The following ZNF33A variants were observed in gnomAD, a reference collection of about 807,000 sequenced individuals.
ZNF33A encodes brain my041 protein.
In ZNF33A, 9 loss-of-function variants were observed where a neutral mutation model predicts 15.9. The observed-to-expected ratio is 0.57, with a 90% CI of 0.34 to 0.99. The LOEUF is 0.99. Ranked by LOEUF, ZNF33A falls within the 50% of genes least tolerant of loss-of-function variation. The probability of loss-of-function intolerance (pLI) is 0.02; values close to 1 mark genes in which losing one functional copy is unlikely to be tolerated. For missense variants in ZNF33A, 843 were observed against 941.6 expected (o/e 0.90, Z 1.37); for synonymous variants, 294 against 324.2 (o/e 0.91, Z 1.00).
downstream of ZNF33A, among the ~76,000 whole-genome samples, chr10:38,063,778 G>A (rs1781503079): frequency 1.3e-5 from 2 of 152,196 alleles, no homozygotes; most frequent in Admixed American, 1.3e-4. Flanking sequence ...CTCACCCTGT[G>A]AACTCACCAA....
At position 38,057,857 on chromosome 10, in the gene ZNF33A, G is replaced by A. The variant is rs1696358504; in HGVS notation, c.*1297G>A. On this transcript the variant is annotated 3_prime_UTR_variant, in exon 5 of 5. Transcript: ENST00000432900. ...CACATACAGCCCAGGGCTGCCCAGG[G>A]CTGTTGGACTGTCATTTCAAGGCTC... 7 of 985,296 alleles carry A rather than the reference G, an allele frequency of 7.1e-6. No individual in the cohort carries two copies. The Admixed American group carries it at 4.3e-4, about 61-fold the overall frequency. The allele number at this position is 985,296 out of a possible 1,614,324, so 61.0% of individuals were successfully genotyped here. A position where few individuals can be genotyped will look rare whatever the true frequency, so the allele number is the denominator to read the frequency against.
At chr10:38,047,836 C>A (rs1208836705) in intron 4 of ZNF33A, among the ~76,000 whole-genome samples, 1 of 151,910 alleles carries the variant, frequency 6.6e-6, no homozygotes, top group African/African-American at 2.4e-5. Flanking sequence ...ACCCTGAGCA[C>A]AAGAGGCATG....
downstream of ZNF33A, among the ~76,000 whole-genome samples, chr10:38,066,224 T>C (rs2066708575): frequency 6.6e-6 from 1 of 152,150 alleles, no homozygotes; most frequent in Non-Finnish European, 1.5e-5. Context: ...GGTGTGATTG[T>C]GATCTTTCCA....
chr10:38,054,594 T>C lies in ZNF33A; in HGVS notation c.470T>C (p.Ile157Thr), dbSNP rs1321903317. Reference protein sequence around the residue: ...MSFNTVSELVISKINYLGKKS... With the variant: ...MSFNTVSELVTSKINYLGKKS... The stretch of plus-strand genomic sequence containing the variant: ...TTCAACACTGTTTCAGAATTGGTTA[T>C]CAGTAAGATAAACTATTTAGGAAAA... The change falls in exon 5 of 5, where the codon ATC (isoleucine) becomes ACC (threonine). Residue 157 changes from isoleucine (I) to threonine (T), a missense_variant. Coordinates refer to ENST00000432900, the MANE Select transcript of ZNF33A (RefSeq NM_006954.2). The C allele has an allele frequency of 6.2e-7, 1 of 1,611,468 alleles. No individual in the cohort carries two copies. Among genetic ancestry groups the C allele is most frequent in the Non-Finnish European group, 8.5e-7 (1 of 1,179,168 alleles).
downstream of ZNF33A, among the ~76,000 whole-genome samples, chr10:38,066,155 G>A (rs1350445274): frequency 1.3e-5 from 2 of 152,104 alleles, no homozygotes; most frequent in Non-Finnish European, 2.9e-5. Context: ...CTGACCATAG[G>A]CTTTTCTTCG....
chr10:38,029,953 C>T (rs2065141979), intron 4 of ZNF33A, among the ~76,000 whole-genome samples: 1 of 152,116 alleles, frequency 6.6e-6, no homozygotes, highest in South Asian at 2.1e-4. Flanking sequence ...CAGAAACACC[C>T]ACAATTTGTT....
intron 4 of ZNF33A, among the ~76,000 whole-genome samples, chr10:38,027,590 A>G (rs1390242380): frequency 6.6e-6 from 1 of 151,420 alleles, no homozygotes; most frequent in Non-Finnish European, 1.5e-5. Flanking sequence ...GCATCAAGTG[A>G]TCCACCTTGG....
chr10:38,050,967 C>T (rs1275727448), intron 4 of ZNF33A, among the ~76,000 whole-genome samples: 1 of 152,154 alleles, frequency 6.6e-6, no homozygotes, highest in Non-Finnish European at 1.5e-5. Flanking sequence ...CAAATATCCA[C>T]AGGCTTAGAA....
chr10:38,013,173 C>T (rs968151086), intron 2 of ZNF33A, among the ~76,000 whole-genome samples: 5 of 146,818 alleles, frequency 3.4e-5, no homozygotes, highest in East Asian at 1.9e-4. Flanking sequence ...TACAGTGGCG[C>T]GATCTTGGCT....
intron 4 of ZNF33A, among the ~76,000 whole-genome samples, chr10:38,043,690 T>G (rs2065817226): frequency 6.6e-6 from 1 of 152,074 alleles, no homozygotes; most frequent in Non-Finnish European, 1.5e-5. Context: ...AAAAAAAATT[T>G]TTTTTTCAGT....
At position 38,057,863 on chromosome 10, in the gene ZNF33A, G is replaced by A. The variant is rs1486823747; in HGVS notation, c.*1303G>A. 1 of 985,420 alleles carries A rather than the reference G, an allele frequency of 1.0e-6. No individual in the cohort carries two copies. Among genetic ancestry groups the A allele is most frequent in the African/African-American group, 1.7e-5 (1 of 57,356 alleles). The allele number at this position is 985,420 out of a possible 1,614,324, so 61.0% of individuals were successfully genotyped here. A position where few individuals can be genotyped will look rare whatever the true frequency, so the allele number is the denominator to read the frequency against. On this transcript the variant is annotated 3_prime_UTR_variant, in exon 5 of 5. Transcript: ENST00000432900. ...CAGCCCAGGGCTGCCCAGGGCTGTT[G>A]GACTGTCATTTCAAGGCTCATTGTC...
At chr10:38,053,436 C>T (rs1489419031) in intron 4 of ZNF33A, among the ~76,000 whole-genome samples, 1 of 152,096 alleles carries the variant, frequency 6.6e-6, no homozygotes, top group East Asian at 1.9e-4. Context: ...ATAAGGACAC[C>T]AATGCCATTG....
rs755177352 is a variant in ZNF33A at position 38,055,597 on chromosome 10, C to T, written c.1473C>T (p.His491=). The change falls in exon 5 of 5, where the codon CAC becomes CAT. Residue 491 remains histidine (H), a synonymous_variant. Coordinates refer to ENST00000432900, the MANE Select transcript of ZNF33A (RefSeq NM_006954.2). ...ATCTTACACAGCATCAGAGAATTCACATAGGAGATAAATCTTATGAATGTA... is the reference window on the plus strand; with the variant it reads ...ATCTTACACAGCATCAGAGAATTCATATAGGAGATAAATCTTATGAATGTA... ...KSNLTQHQRI[H]IGDKSYECNA... The T allele has an allele frequency of 1.9e-6, 3 of 1,614,042 alleles. No homozygotes were observed. The highest frequency in any genetic ancestry group is 2.5e-6 in the Non-Finnish European group (3 of 1,179,990).
At chr10:38,012,207 T>A in intron 1 of ZNF33A, 91 bp from the exon 2 acceptor site, 1 of 1,285,118 alleles carries the variant, frequency 7.8e-7, no homozygotes, top group Non-Finnish European at 1.1e-6. Context: ...TTTTACCTAG[T>A]GGGTGTGTAT....
intron 2 of ZNF33A, among the ~76,000 whole-genome samples, chr10:38,013,080 T>C (rs576736733): frequency 6.6e-6 from 1 of 152,170 alleles, no homozygotes; most frequent in African/African-American, 2.4e-5. Context: ...GGATGTAGTG[T>C]TTGATCAGTA....
intron 4 of ZNF33A, among the ~76,000 whole-genome samples, chr10:38,026,136 G>A (rs1162897339): frequency 6.6e-6 from 1 of 152,120 alleles, no homozygotes; most frequent in East Asian, 1.9e-4. Flanking sequence ...CCATTCATCT[G>A]TTGATATACA....
At chr10:38,018,443 A>T (rs775781817) in intron 4 of ZNF33A, among the ~76,000 whole-genome samples, 2 of 152,212 alleles carry the variant, frequency 1.3e-5, no homozygotes, top group African/African-American at 2.4e-5. Context: ...GAGGAAGGGC[A>T]GGAGGTGAGG....
chr10:38,061,002 G>T (rs2066648501), downstream of ZNF33A, among the ~76,000 whole-genome samples: 1 of 152,152 alleles, frequency 6.6e-6, no homozygotes, highest in Non-Finnish European at 1.5e-5. Context: ...TACAGGTAGT[G>T]ACCACACTGT....
downstream of ZNF33A, chr10:38,063,938 A>G (rs1005597777): frequency 3.2e-6 from 2 of 628,724 alleles, no homozygotes; most frequent in African/African-American, 3.7e-5. Flanking sequence ...GGATTCAGCA[A>G]AGGTATCCAC....
Sources: allele counts gnomAD v4.1 joint callset (sites outside exome capture counted in the v4.1 genomes callset), GRCh38; gene constraint gnomAD v4.1.1; transcripts MANE v1.5; gene names NCBI Gene and HGNC (gene_info 2026-07-23, HGNC 2026-07-21).